EYA1: variants seen among roughly 807,000 people sequenced by gnomAD.
EYA1 encodes the protein protein phosphatase EYA1.
A neutral mutation model predicts 82.0 loss-of-function variants in EYA1; 16 were observed. The observed-to-expected ratio is 0.20, with a 90% confidence interval of 0.13 to 0.30. EYA1 has a LOEUF of 0.30. Ranked by LOEUF, EYA1 falls within the 10% of genes least tolerant of loss-of-function variation. The pLI is 1.00. For synonymous variants in EYA1, 261 were observed against 264.4 expected (o/e 0.99, Z 0.12); for missense variants, 633 against 730.7 (o/e 0.87, Z 1.54).
At chr8:71,431,589 A>G (rs1805620290) in intron 2 of EYA1, among the ~76,000 whole-genome samples, 1 of 152,170 alleles carries the variant, frequency 6.6e-6, no homozygotes, top group Non-Finnish European at 1.5e-5. Flanking sequence ...ATGCTAACTG[A>G]CATTGTGCCT....
chr8:71,270,336 G>C (rs28664828), intron 10 of EYA1: 1 of 157,246 alleles, frequency 6.4e-6, no homozygotes, highest in Non-Finnish European at 1.4e-5. Context: ...CTATTGAGCT[G>C]TTATCAAAGG....
chr8:71,347,882 A>G (rs1825898084), intron 3 of EYA1, among the ~76,000 whole-genome samples: 1 of 90,180 alleles, frequency 1.1e-5, no homozygotes, highest in Non-Finnish European at 2.2e-5. Flanking sequence ...TACTGGAGGC[A>G]TGCAAAAAAA....
chr8:71,412,362 TA>T (rs1265780321), intron 2 of EYA1, among the ~76,000 whole-genome samples: 2 of 149,514 alleles, frequency 1.3e-5, no homozygotes, highest in African/African-American at 2.5e-5. Flanking sequence ...ACATGTACCC[TA>T]AAACTTAAAG....
intron 2 of EYA1, among the ~76,000 whole-genome samples, chr8:71,432,369 T>C (rs917907429): frequency 2.0e-5 from 3 of 152,206 alleles, no homozygotes; most frequent in Admixed American, 6.5e-5. Context: ...CTACTATATA[T>C]CCTTTCTTCA....
chr8:71,243,534 T>C (rs1350767287), intron 12 of EYA1, among the ~76,000 whole-genome samples: 5 of 152,164 alleles, frequency 3.3e-5, no homozygotes, highest in Non-Finnish European at 7.4e-5. Flanking sequence ...AGAGAAAAAA[T>C]AAAGCATATT....
At chr8:71,482,981 C>T (rs145014416) in intron 2 of EYA1, among the ~76,000 whole-genome samples, 2,008 of 152,222 alleles carry the variant, frequency 0.013, 12 homozygotes, top group Middle Eastern at 0.024. Context: ...AATGTATGCT[C>T]CTACCATGAC....
rs534883925 is a variant in EYA1 at position 71,521,479 on chromosome 8, G to A, written c.33+14265C>T. ...TTTGATATATAAAGAAACAAAAGAA[G>A]TTAAACAAAACACTGTTTAAAGCAA... On this transcript the variant is annotated intron_variant, in intron 2 of 18. Transcript: ENST00000643681. 7.2e-5 allele frequency among the ~76,000 whole-genome samples: 11 copies of A among 152,182 alleles called. No homozygotes were observed. The South Asian group carries it at 2.3e-3, about 32-fold the overall frequency.
intron 9 of EYA1, among the ~76,000 whole-genome samples, chr8:71,281,133 A>G (rs1196464372): frequency 1.3e-5 from 2 of 152,354 alleles, no homozygotes; most frequent in Non-Finnish European, 2.9e-5. Flanking sequence ...TGAAGTAGCT[A>G]TAAAACAGGT....
intron 2 of EYA1, among the ~76,000 whole-genome samples, chr8:71,415,629 T>C (rs1016413579): frequency 6.6e-6 from 1 of 152,190 alleles, no homozygotes; most frequent in African/African-American, 2.4e-5. Flanking sequence ...GCCTTCCTCT[T>C]ATCAAAGTTC....
chr8:71,486,579 G>T (rs1006001224), intron 2 of EYA1, among the ~76,000 whole-genome samples: 1 of 152,142 alleles, frequency 6.6e-6, no homozygotes, highest in Non-Finnish European at 1.5e-5. Flanking sequence ...TCTCCCTGGG[G>T]ATCCTCCGAA....
At chr8:71,494,856 T>C (rs544514660) in intron 2 of EYA1, among the ~76,000 whole-genome samples, 2 of 152,084 alleles carry the variant, frequency 1.3e-5, no homozygotes, top group South Asian at 4.1e-4. Flanking sequence ...TTCAATAAAA[T>C]ATTCATTAAA....
At chr8:71,253,141 T>A (rs973567479) in intron 11 of EYA1, among the ~76,000 whole-genome samples, 1 of 152,178 alleles carries the variant, frequency 6.6e-6, no homozygotes, top group Non-Finnish European at 1.5e-5. Context: ...TTGTCTGTGG[T>A]CAAGTCGAAG....
At chr8:71,325,667 T>C (rs1823067753) in intron 4 of EYA1, among the ~76,000 whole-genome samples, 1 of 152,216 alleles carries the variant, frequency 6.6e-6, no homozygotes, top group Admixed American at 6.5e-5. Context: ...TTGGAGTAAG[T>C]AGTATACCTT....
chr8:71,362,155 C>CTTTTTTTTTTTTTTTTTTT (rs35320129), upstream of EYA1: 2 of 824,624 alleles, frequency 2.4e-6, no homozygotes, highest in Non-Finnish European at 2.8e-6. Context: ...TCGGGGCTTT[C>CTTTTTTTTTTTTTTTTTTT]TTTTTTTTTT....
chr8:71,318,680 T>G (rs1172446830), intron 6 of EYA1, among the ~76,000 whole-genome samples: 2 of 152,192 alleles, frequency 1.3e-5, no homozygotes, highest in Non-Finnish European at 2.9e-5. Flanking sequence ...TAATTTTGCT[T>G]CGTACTTAAG....
At chr8:71,511,087 A>G (rs1323544604) in intron 2 of EYA1, among the ~76,000 whole-genome samples, 2 of 152,062 alleles carry the variant, frequency 1.3e-5, no homozygotes, top group Non-Finnish European at 2.9e-5. Flanking sequence ...GTCTCCTAAA[A>G]AGCCTTCCTC....
chr8:71,547,188 C>CTTT (rs1815694013), intron 1 of EYA1, among the ~76,000 whole-genome samples: 1 of 152,226 alleles, frequency 6.6e-6, no homozygotes, highest in African/African-American at 2.4e-5. Context: ...AAAGGAAAGG[C>CTTT]CTGGGCCAGA....
chr8:71,317,746 A>T, intron 6 of EYA1, 57 bp from the exon 7 acceptor site: 1 of 1,512,720 alleles, frequency 6.6e-7, no homozygotes, highest in Non-Finnish European at 9.2e-7. Context: ...TGGTAAATAT[A>T]CAAAAACATA....
chr8:71,453,339 A>G (rs1807553714), intron 2 of EYA1, among the ~76,000 whole-genome samples: 1 of 152,216 alleles, frequency 6.6e-6, no homozygotes, highest in Non-Finnish European at 1.5e-5. Flanking sequence ...AAGTTGGAAA[A>G]CACTCTGCAG....
Sources: allele counts gnomAD v4.1 joint callset (sites outside exome capture counted in the v4.1 genomes callset), GRCh38; gene constraint gnomAD v4.1.1; transcripts MANE v1.5; gene names NCBI Gene and HGNC (gene_info 2026-07-23, HGNC 2026-07-21).